FRMPD4: variants seen among roughly 807,000 people sequenced by gnomAD.
FRMPD4 encodes FERM and PDZ domain-containing protein 4.
A neutral mutation model predicts 94.1 loss-of-function variants in FRMPD4; 22 were observed. The observed-to-expected ratio is 0.23, with a 90% CI of 0.17 to 0.33. The LOEUF is 0.33. Ranked by LOEUF, FRMPD4 falls within the 10% of genes least tolerant of loss-of-function variation. FRMPD4 has a pLI of 1.00. For missense variants in FRMPD4, 1,111 were observed against 1,339.9 expected, an observed-to-expected ratio of 0.83 and a Z score of 2.67; for synonymous variants, 631 against 548.6, an observed-to-expected ratio of 1.15 and a Z score of -2.10.
chrX:12,058,100 G>A (rs1271791863), intron 3 of FRMPD4, among the ~76,000 whole-genome samples: 1 of 111,679 alleles, frequency 9.0e-6, no homozygotes, highest in Non-Finnish European at 1.9e-5. Context: ...TGGTCTTGCA[G>A]AACATGTAGT....
rs147139938 is a variant in FRMPD4, at chrX:11,996,064, A to G, written c.95+118046A>G. Among the ~76,000 whole-genome samples, 148 of 111,352 alleles carry G rather than the reference A, an allele frequency of 1.3e-3. 1 individual carries two copies. The East Asian group carries it at 0.038, about 29-fold the overall frequency. On this transcript the variant is annotated intron_variant, in intron 3 of 18. Coordinates refer to the FRMPD4 transcript ENST00000640291. The stretch of plus-strand genomic sequence containing the variant: ...ACAATGGAACTTAAAATTGTCCCCC[A>G]GATTTGCCAGGCATAAAGATTTGGT...
chrX:12,286,849 C>G (rs2054608652), intron 1 of FRMPD4, among the ~76,000 whole-genome samples: 1 of 111,315 alleles, frequency 9.0e-6, no homozygotes, highest in Admixed American at 9.5e-5. Flanking sequence ...ATAGTAAATG[C>G]AGAAATGAAA....
At chrX:12,699,276 G>C (rs1480389711) in intron 9 of FRMPD4, among the ~76,000 whole-genome samples, 1 of 111,945 alleles carries the variant, frequency 8.9e-6, no homozygotes, top group Admixed American at 9.4e-5. Flanking sequence ...AATTGCTCTC[G>C]GAGGCTGCCT....
chrX:12,053,388 A>G (rs1376822189), intron 3 of FRMPD4, among the ~76,000 whole-genome samples: 1 of 99,985 alleles, frequency 1.0e-5, no homozygotes, highest in Non-Finnish European at 2.0e-5. Flanking sequence ...GAAAGAAAGA[A>G]AGAAAGAAAG....
At chrX:11,843,035 T>C (rs990781558) in intron 1 of FRMPD4, among the ~76,000 whole-genome samples, 27 of 112,326 alleles carry the variant, frequency 2.4e-4, no homozygotes, top group African/African-American at 8.7e-4. Flanking sequence ...GCTAAATACT[T>C]CTCTTATCTA....
chrX:11,891,184 G>C (rs1001257025), intron 3 of FRMPD4, among the ~76,000 whole-genome samples: 16 of 112,319 alleles, frequency 1.4e-4, no homozygotes, highest in African/African-American at 4.8e-4. Context: ...GGGAGCCAGT[G>C]CCAGACCTTG....
chrX:12,492,731 T>C (rs1406372356), intron 1 of FRMPD4, among the ~76,000 whole-genome samples: 1 of 111,906 alleles, frequency 8.9e-6, no homozygotes, highest in Non-Finnish European at 1.9e-5. Context: ...GAAGTTATTT[T>C]CAGGCTATTA....
At chrX:12,309,586 G>A (rs891081908) in intron 1 of FRMPD4, among the ~76,000 whole-genome samples, 1 of 112,011 alleles carries the variant, frequency 8.9e-6, no homozygotes, top group South Asian at 3.7e-4. Context: ...GCACAGTGAT[G>A]CAGAAGATGG....
intron 3 of FRMPD4, among the ~76,000 whole-genome samples, chrX:11,972,805 T>C (rs2054347492): frequency 8.9e-6 from 1 of 112,646 alleles, no homozygotes; most frequent in African/African-American, 3.2e-5. Flanking sequence ...TTCAGTTATA[T>C]TCCATACCCA....
chrX:12,188,077 G>T (rs1327884503), intron 1 of FRMPD4, among the ~76,000 whole-genome samples: 1 of 111,643 alleles, frequency 9.0e-6, no homozygotes, highest in Non-Finnish European at 1.9e-5. Context: ...ATAGCACTGT[G>T]GCACAGTGGC....
At chrX:12,576,295 G>A (rs1216552657) in intron 2 of FRMPD4, among the ~76,000 whole-genome samples, 1 of 112,676 alleles carries the variant, frequency 8.9e-6, no homozygotes, top group Non-Finnish European at 1.9e-5. Context: ...CATTTTTAAT[G>A]AAACTAAAAT....
chrX:12,327,542 G>T (rs981583229), intron 1 of FRMPD4, among the ~76,000 whole-genome samples: 1 of 111,970 alleles, frequency 8.9e-6, no homozygotes, highest in Non-Finnish European at 1.9e-5. Context: ...CTTGTAAAAA[G>T]AGTCACTTTA....
chrX:12,230,771 C>G (rs747420904), intron 1 of FRMPD4, among the ~76,000 whole-genome samples: 6 of 101,847 alleles, frequency 5.9e-5, no homozygotes, highest in Middle Eastern at 5.0e-3. Flanking sequence ...CTGCATAGAG[C>G]TAGAGCTATT....
At chrX:12,348,059 C>T (rs1342078471) in intron 1 of FRMPD4, among the ~76,000 whole-genome samples, 1 of 111,871 alleles carries the variant, frequency 8.9e-6, no homozygotes, top group Non-Finnish European at 1.9e-5. Flanking sequence ...TTAGTGGGAA[C>T]ACTCAAAGTA....
intron 4 of FRMPD4, among the ~76,000 whole-genome samples, chrX:12,615,696 A>G: frequency 9.0e-6 from 1 of 111,711 alleles, no homozygotes; most frequent in Middle Eastern, 4.6e-3. Context: ...TTGAAGCCAA[A>G]GCTGAGGTTA....
At chrX:11,853,455 T>G (rs186658630) in intron 1 of FRMPD4, among the ~76,000 whole-genome samples, 1 of 110,179 alleles carries the variant, frequency 9.1e-6, no homozygotes, top group Non-Finnish European at 1.9e-5. Context: ...GCCATTTTTT[T>G]AAAAAAAATT....
chrX:12,155,610 A>G (rs1186557597), intron 1 of FRMPD4, among the ~76,000 whole-genome samples: 2 of 103,533 alleles, frequency 1.9e-5, no homozygotes, highest in South Asian at 9.0e-4. Flanking sequence ...AAAAAAAAAA[A>G]GGACCAAAGG....
chrX:12,521,218 G>C (rs746380366), intron 2 of FRMPD4, among the ~76,000 whole-genome samples: 2 of 112,080 alleles, frequency 1.8e-5, no homozygotes, highest in South Asian at 7.4e-4. Context: ...GCAGACTCCC[G>C]TTCTAGAGAA....
intron 1 of FRMPD4, among the ~76,000 whole-genome samples, chrX:12,293,169 T>C (rs775766564): frequency 5.4e-5 from 6 of 111,826 alleles, no homozygotes; most frequent in Admixed American, 9.5e-5. Flanking sequence ...AATAATAATA[T>C]AGGAATGTGG....
Sources: gnomAD v4.1 joint callset for allele counts (sites outside exome capture counted in the v4.1 genomes callset) on GRCh38, gnomAD v4.1.1 for gene constraint, MANE v1.5 for transcripts, NCBI Gene and HGNC (gene_info 2026-07-23, HGNC 2026-07-21) for gene names.